Variants in RAD51B observed in about 807,000 individuals in gnomAD.
The protein encoded by RAD51B is RAD51 paralog B.
In RAD51B, 38 loss-of-function variants were observed where a neutral mutation model predicts 42.2. The observed-to-expected ratio is 0.90, with a 90% CI of 0.70 to 1.18. The LOEUF (loss-of-function observed/expected upper bound fraction) is 1.18. Ranked by LOEUF, RAD51B falls within the 50% of genes most tolerant of loss-of-function variation. The pLI is 0.00. For missense variants in RAD51B, 373 were observed against 400.7 expected (o/e 0.93, Z 0.59); for synonymous variants, 154 against 145.2 (o/e 1.06, Z -0.43).
intron 7 of RAD51B, among the ~76,000 whole-genome samples, chr14:67,931,156 C>T (rs959037153): frequency 7.9e-5 from 12 of 152,110 alleles, no homozygotes; most frequent in Non-Finnish European, 1.5e-4. Context: ...CGCCTGACCT[C>T]GTGATCCGCC....
intron 7 of RAD51B, among the ~76,000 whole-genome samples, chr14:68,279,857 A>G (rs987412701): frequency 2.0e-5 from 3 of 152,214 alleles, no homozygotes; most frequent in Admixed American, 6.5e-5. Context: ...TTCCAGACCC[A>G]TGCTGCTCTC....
intron 10 of RAD51B, among the ~76,000 whole-genome samples, chr14:68,580,183 T>C (rs965076188): frequency 2.0e-5 from 3 of 152,232 alleles, no homozygotes; most frequent in Non-Finnish European, 4.4e-5. Context: ...TCATTTCCTC[T>C]TTCAGTGTAT....
At chr14:68,394,747 C>T (rs1310605688) in intron 8 of RAD51B, among the ~76,000 whole-genome samples, 1 of 152,228 alleles carries the variant, frequency 6.6e-6, no homozygotes, top group South Asian at 2.1e-4. Context: ...GCTTTGGGCC[C>T]GGGCTCCTGT....
intron 7 of RAD51B, among the ~76,000 whole-genome samples, chr14:68,234,785 C>G (rs966454786): frequency 6.6e-6 from 1 of 152,158 alleles, no homozygotes; most frequent in Non-Finnish European, 1.5e-5. Context: ...CTGTACACTA[C>G]TGTAGATTTT....
chr14:67,921,196 A>G (rs1430239608), intron 7 of RAD51B, among the ~76,000 whole-genome samples: 2 of 152,154 alleles, frequency 1.3e-5, no homozygotes, highest in East Asian at 1.9e-4. Context: ...GAGGAGGGCT[A>G]GGAATCCGTA....
intron 7 of RAD51B, among the ~76,000 whole-genome samples, chr14:68,022,053 T>C (rs2075876545): frequency 6.6e-6 from 1 of 152,188 alleles, no homozygotes; most frequent in Admixed American, 6.5e-5. Flanking sequence ...TAGTACCCAA[T>C]AGGTAGTTTT....
chr14:68,089,754 G>A (rs530155681), intron 7 of RAD51B, among the ~76,000 whole-genome samples: 3 of 152,226 alleles, frequency 2.0e-5, no homozygotes, highest in South Asian at 2.1e-4. Context: ...GTGTGAAAAC[G>A]CAGACTTTGG....
intron 9 of RAD51B, among the ~76,000 whole-genome samples, chr14:68,443,257 A>G (rs1312259381): frequency 6.6e-6 from 1 of 152,222 alleles, no homozygotes; most frequent in Non-Finnish European, 1.5e-5. Context: ...CTTCTTGGCC[A>G]GGGTCTGAGA....
intron 7 of RAD51B, among the ~76,000 whole-genome samples, chr14:68,024,936 A>G (rs79867223): frequency 0.015 from 2,343 of 152,092 alleles, 31 homozygotes; most frequent in Non-Finnish European, 0.024. Context: ...CCAGTTCTCA[A>G]GGGGAATTGT....
At chr14:67,913,755 G>C (rs2044063345) in intron 7 of RAD51B, among the ~76,000 whole-genome samples, 1 of 152,062 alleles carries the variant, frequency 6.6e-6, no homozygotes, top group Non-Finnish European at 1.5e-5. Flanking sequence ...AAGGTAAGTA[G>C]GGTATCTGTC....
intron 7 of RAD51B, among the ~76,000 whole-genome samples, chr14:68,101,198 A>G (rs1264135747): frequency 3.9e-5 from 6 of 152,196 alleles, no homozygotes; most frequent in African/African-American, 1.4e-4. Flanking sequence ...GATAAGGGGA[A>G]CTGTAATTCA....
At chr14:68,485,322 C>T (rs1398792363) in intron 10 of RAD51B, among the ~76,000 whole-genome samples, 1 of 152,122 alleles carries the variant, frequency 6.6e-6, no homozygotes, top group East Asian at 1.9e-4. Context: ...ACTTCTCACC[C>T]TGTTAAAGTG....
intron 7 of RAD51B, among the ~76,000 whole-genome samples, chr14:68,148,280 A>G (rs143419796): frequency 1.3e-5 from 2 of 152,222 alleles, no homozygotes; most frequent in African/African-American, 2.4e-5. Context: ...AAATAAATCT[A>G]CTATGAACAT....
chr14:68,435,174 C>T (rs2085115741), intron 9 of RAD51B, among the ~76,000 whole-genome samples: 1 of 152,094 alleles, frequency 6.6e-6, no homozygotes, highest in Non-Finnish European at 1.5e-5. Flanking sequence ...AACCCTTTCC[C>T]CCATCCTCCT....
At chr14:68,599,107 A>C (rs1387486943), downstream of RAD51B, among the ~76,000 whole-genome samples, 1 of 152,096 alleles carries the variant, frequency 6.6e-6, no homozygotes, top group South Asian at 2.1e-4. Flanking sequence ...TTTATGGCCC[A>C]CTGCGGTGCT....
chr14:68,265,025 C>G (rs535216585), intron 7 of RAD51B, among the ~76,000 whole-genome samples: 1 of 152,286 alleles, frequency 6.6e-6, no homozygotes, highest in East Asian at 1.9e-4. Context: ...GAATACTGAT[C>G]AAGTGACCAG....
intron 10 of RAD51B, among the ~76,000 whole-genome samples, chr14:68,487,370 A>G (rs1883709765): frequency 6.6e-6 from 1 of 151,206 alleles, no homozygotes; most frequent in Non-Finnish European, 1.5e-5. Flanking sequence ...CTTGCTTTTT[A>G]TTTTCTGTGT....
At chr14:68,245,103 C>T (rs2080468294) in intron 7 of RAD51B, among the ~76,000 whole-genome samples, 1 of 152,180 alleles carries the variant, frequency 6.6e-6, no homozygotes, top group Admixed American at 6.5e-5. Flanking sequence ...TCCTCCATCT[C>T]CTCCAGACCT....
At chr14:67,867,869 C>T (rs7151985) in intron 5 of RAD51B, among the ~76,000 whole-genome samples, 4,201 of 152,074 alleles carry the variant, frequency 0.028, 198 homozygotes, top group African/African-American at 0.096. Flanking sequence ...CAAAGCTAGC[C>T]GGCTAACCAG....
Sources: gnomAD v4.1 joint callset for allele counts (sites outside exome capture counted in the v4.1 genomes callset) on GRCh38, gnomAD v4.1.1 for gene constraint, MANE v1.5 for transcripts, NCBI Gene and HGNC (gene_info 2026-07-23, HGNC 2026-07-21) for gene names.